PHACTR1: variants seen among roughly 807,000 people sequenced by gnomAD.
The protein encoded by PHACTR1 is RPEL repeat containing 1.
Under a neutral mutation model 69.2 loss-of-function variants are expected in PHACTR1, and 16 were observed. The ratio of observed to expected loss-of-function variants is 0.23; its 90% CI spans 0.16 to 0.35. PHACTR1 has a LOEUF of 0.35. Among genes scored for constraint, PHACTR1 ranks in the 10% least tolerant of loss-of-function variants. The pLI is 1.00. For synonymous variants in PHACTR1, 312 were observed against 284.5 expected (o/e 1.10, Z -0.97); for missense variants, 510 against 734.7 (o/e 0.69, Z 3.54).
chr6:13,205,295 T>TA (rs1765741657), intron 7 of PHACTR1, among the ~76,000 whole-genome samples: 1 of 152,116 alleles, frequency 6.6e-6, no homozygotes, highest in Non-Finnish European at 1.5e-5. Flanking sequence ...CACCCACCAC[T>TA]AATCTATTCA....
At chr6:12,952,048 C>A (rs988330124) in intron 4 of PHACTR1, among the ~76,000 whole-genome samples, 2 of 152,178 alleles carry the variant, frequency 1.3e-5, no homozygotes, top group Non-Finnish European at 2.9e-5. Flanking sequence ...GTGAGCAAGA[C>A]GTTCTCTGGT....
intron 7 of PHACTR1, among the ~76,000 whole-genome samples, chr6:13,199,497 T>C (rs753781520): frequency 9.6e-4 from 144 of 149,818 alleles, no homozygotes; most frequent in Non-Finnish European, 1.5e-3. Context: ...AAAAATGTAA[T>C]CGCCTCACTA....
At chr6:13,097,625 A>C (rs1387414088) in intron 5 of PHACTR1, among the ~76,000 whole-genome samples, 1 of 152,194 alleles carries the variant, frequency 6.6e-6, no homozygotes, top group Non-Finnish European at 1.5e-5. Flanking sequence ...TAGAGCAGTT[A>C]ATAACCAGAT....
chr6:13,284,827 C>A (rs775271824), intron 13 of PHACTR1, among the ~76,000 whole-genome samples: 1 of 152,102 alleles, frequency 6.6e-6, no homozygotes, highest in Non-Finnish European at 1.5e-5. Context: ...TTGGCTGGGA[C>A]GGAAGCAGCA....
chr6:13,169,988 A>T lies in PHACTR1; in HGVS notation c.496+9704A>T, dbSNP rs181832492. 7.9e-5 allele frequency among the ~76,000 whole-genome samples: 12 copies of T among 152,318 alleles called. No individual in the cohort carries two copies. The East Asian group carries it at 2.3e-3, about 29-fold the overall frequency. ...AATGAAACTCACATAATAAAGTCCA[A>T]TTGTAGGGCAGCTCCAGGGCTGGTT... is the stretch of plus-strand genomic sequence containing the variant. On this transcript the variant is annotated intron_variant, in intron 6 of 14. Transcript: ENST00000332995.
At chr6:13,268,715 C>T (rs1777169263) in intron 10 of PHACTR1, among the ~76,000 whole-genome samples, 1 of 152,190 alleles carries the variant, frequency 6.6e-6, no homozygotes, top group Admixed American at 6.5e-5. Context: ...CTACTTAGTG[C>T]TTTGTCCTTA....
intron 4 of PHACTR1, among the ~76,000 whole-genome samples, chr6:13,039,114 T>G (rs1028072942): frequency 6.6e-6 from 1 of 152,196 alleles, no homozygotes; most frequent in African/African-American, 2.4e-5. Context: ...AATAGAAGAA[T>G]GGATTTGGCA....
chr6:12,891,070 G>A (rs1322714215), intron 4 of PHACTR1, among the ~76,000 whole-genome samples: 3 of 152,048 alleles, frequency 2.0e-5, no homozygotes, highest in East Asian at 1.9e-4. Context: ...TTTGTAGGTT[G>A]CTAGGCTACT....
At chr6:12,863,829 T>A (rs1318841902) in intron 4 of PHACTR1, among the ~76,000 whole-genome samples, 7 of 152,142 alleles carry the variant, frequency 4.6e-5, no homozygotes, top group Non-Finnish European at 8.8e-5. Context: ...GCCCAGGTGA[T>A]TTTTGTGTGT....
chr6:12,933,483 T>G, intron 4 of PHACTR1: 6 of 1,337,216 alleles, frequency 4.5e-6, no homozygotes, highest in Non-Finnish European at 6.0e-6. Context: ...AAGGAGAAAC[T>G]AGAAGATGGA....
intron 5 of PHACTR1, among the ~76,000 whole-genome samples, chr6:13,102,119 C>T (rs897908929): frequency 1.3e-5 from 2 of 152,190 alleles, no homozygotes; most frequent in Admixed American, 1.3e-4. Context: ...CCCAGAGCTT[C>T]ACCTCTGTAA....
At chr6:12,942,158 T>C (rs1790123964) in intron 4 of PHACTR1, among the ~76,000 whole-genome samples, 1 of 152,044 alleles carries the variant, frequency 6.6e-6, no homozygotes, top group Non-Finnish European at 1.5e-5. Flanking sequence ...AAACAGAATA[T>C]TCCAACAGAC....
At chr6:12,774,035 C>T (rs142837229) in intron 4 of PHACTR1, among the ~76,000 whole-genome samples, 18 of 152,076 alleles carry the variant, frequency 1.2e-4, no homozygotes, top group East Asian at 9.7e-4. Flanking sequence ...GGAAAAAGAA[C>T]GAGAGAGTAA....
chr6:12,833,898 C>T (rs1463059115), intron 4 of PHACTR1, among the ~76,000 whole-genome samples: 1 of 152,076 alleles, frequency 6.6e-6, no homozygotes, highest in African/African-American at 2.4e-5. Flanking sequence ...GGCACTCTGA[C>T]ATTTGCACCA....
intron 5 of PHACTR1, among the ~76,000 whole-genome samples, chr6:13,100,871 C>G (rs1447112912): frequency 6.6e-6 from 1 of 152,130 alleles, no homozygotes; most frequent in Non-Finnish European, 1.5e-5. Flanking sequence ...ACCAGGTGTT[C>G]CAGATTGCAA....
chr6:13,016,912 C>T (rs1301633352), intron 4 of PHACTR1, among the ~76,000 whole-genome samples: 3 of 152,232 alleles, frequency 2.0e-5, no homozygotes, highest in South Asian at 2.1e-4. Context: ...TGCGGCTGGG[C>T]GCGGTGGCTC....
At chr6:12,909,144 A>T (rs1465603474) in intron 4 of PHACTR1, among the ~76,000 whole-genome samples, 1 of 152,196 alleles carries the variant, frequency 6.6e-6, no homozygotes, top group Non-Finnish European at 1.5e-5. Context: ...GGTCAGGAAG[A>T]TTAAAAACAA....
At chr6:12,957,989 CAG>C (rs1168327718) in intron 4 of PHACTR1, 2 of 985,386 alleles carry the variant, frequency 2.0e-6, no homozygotes, top group Non-Finnish European at 2.4e-6. Context: ...GAAACAGACC[CAG>C]AGAGGCGGAT....
chr6:12,762,594 A>T (rs1768146067), intron 4 of PHACTR1, among the ~76,000 whole-genome samples: 1 of 152,134 alleles, frequency 6.6e-6, no homozygotes, highest in Non-Finnish European at 1.5e-5. Flanking sequence ...AATATGAAGG[A>T]ATAAATCATT....
Sources: gnomAD v4.1 joint callset for allele counts (sites outside exome capture counted in the v4.1 genomes callset) on GRCh38, gnomAD v4.1.1 for gene constraint, MANE v1.5 for transcripts, NCBI Gene and HGNC (gene_info 2026-07-23, HGNC 2026-07-21) for gene names.